CCDC102A: variants seen among roughly 807,000 people sequenced by gnomAD.
The protein encoded by CCDC102A is coiled-coil domain-containing protein 102A.
Under a neutral mutation model 55.5 loss-of-function variants are expected in CCDC102A, and 40 were observed. The observed-to-expected ratio is 0.72, with a 90% CI of 0.56 to 0.94. The LOEUF (loss-of-function observed/expected upper bound fraction) is 0.94, where lower values mean the gene tolerates loss of function less well. CCDC102A is among the 40% of genes least tolerant of loss of function. The pLI is 0.00. For synonymous variants in CCDC102A, 323 were observed against 339.0 expected (o/e 0.95, Z 0.52); for missense variants, 779 against 768.6 (o/e 1.01, Z -0.16).
chr16:57,515,251 C>G (rs558005475), intron 8 of CCDC102A, 90 bp downstream of exon 8: 27 of 813,020 alleles, frequency 3.3e-5, no homozygotes, highest in African/African-American at 2.5e-4. Flanking sequence ...TTCGTCTCCC[C>G]CTCCAGCCTT....
intron 6 of CCDC102A, among the ~76,000 whole-genome samples, chr16:57,517,063 A>C (rs2146699357): frequency 6.6e-6 from 1 of 151,998 alleles, no homozygotes; most frequent in East Asian, 1.9e-4. Context: ...TTGTCCAGGG[A>C]ATGTCAACAG....
rs769425606 is a variant in CCDC102A, at chr16:57,516,262, G to A, written c.1419+31C>T. 1.9e-6 allele frequency: 3 copies of A among 1,595,154 alleles called. No homozygotes were observed. The South Asian group carries it at 3.3e-5, about 18-fold the overall frequency. ...CCCCACTCCTCCCTGGCCAAGGTCTGTTGCTGCCCCTGCCCCTCTGTGGTC... is the reference window on the plus strand; with the variant it reads ...CCCCACTCCTCCCTGGCCAAGGTCTATTGCTGCCCCTGCCCCTCTGTGGTC... On this transcript the variant is annotated intron_variant, in intron 7 of 8. Transcript: ENST00000258214. This position sits in a 1 kb window ranked among gnomAD's most constrained non-coding sequence, Gnocchi z 4.4.
chr16:57,525,875 G>A, intron 3 of CCDC102A, 26 bp downstream of exon 3: 1 of 1,603,570 alleles, frequency 6.2e-7, no homozygotes, highest in Non-Finnish European at 8.5e-7. Context: ...CCCTGGCCCT[G>A]CCCCCTCCCG....
intron 1 of CCDC102A, among the ~76,000 whole-genome samples, chr16:57,534,105 C>G (rs1410567792): frequency 6.6e-6 from 1 of 152,180 alleles, no homozygotes; most frequent in Non-Finnish European, 1.5e-5. Context: ...AAACCCCCAC[C>G]CATCTTCAAG....
intron 1 of CCDC102A, among the ~76,000 whole-genome samples, chr16:57,530,030 G>A (rs936423074): frequency 2.3e-4 from 35 of 152,260 alleles, no homozygotes; most frequent in African/African-American, 8.2e-4. Flanking sequence ...CTCCATTTAT[G>A]GTATCTATGA....
At chr16:57,530,186 C>T (rs1287747260) in intron 1 of CCDC102A, among the ~76,000 whole-genome samples, 4 of 152,166 alleles carry the variant, frequency 2.6e-5, no homozygotes, top group Non-Finnish European at 1.5e-5. Context: ...CCACCCCTCC[C>T]TGACACCGTG....
chr16:57,533,795 G>A (rs1419101726), intron 1 of CCDC102A, among the ~76,000 whole-genome samples: 1 of 152,168 alleles, frequency 6.6e-6, no homozygotes, highest in Non-Finnish European at 1.5e-5. Flanking sequence ...CTCACTGAGG[G>A]GCAGCAGCAG....
intron 7 of CCDC102A, 36 bp from the exon 8 acceptor site, chr16:57,515,480 AC>A: frequency 6.9e-7 from 1 of 1,450,104 alleles, no homozygotes; most frequent in Non-Finnish European, 9.5e-7. Context: ...CACGAGGGTC[AC>A]CCAGGGCTGG....
chr16:57,523,022 C>G (rs1245246494), intron 3 of CCDC102A, among the ~76,000 whole-genome samples: 2 of 152,080 alleles, frequency 1.3e-5, no homozygotes, highest in African/African-American at 4.8e-5. Context: ...GAAGAATTAG[C>G]TGGGCGTGGT....
intron 1 of CCDC102A, among the ~76,000 whole-genome samples, chr16:57,533,554 G>T (rs1166871040): frequency 7.8e-6 from 1 of 127,878 alleles, no homozygotes; most frequent in Non-Finnish European, 1.7e-5. Flanking sequence ...ACACCCCCAG[G>T]GACCTGCACT....
At position 57,528,578 on chromosome 16, in the gene CCDC102A, G is replaced by A; in HGVS notation, c.585+15C>T. On this transcript the variant is annotated intron_variant, in intron 2 of 8. Transcript: ENST00000258214. ...TTCGAGACTGGAGCGCGAACGCCCC[G>A]CCCGCGCCGCGCACCTGGCTGCCTG... 8.1e-7 allele frequency: 1 copy of A among 1,231,554 alleles called. No homozygotes were observed. Among genetic ancestry groups the A allele is most frequent in the South Asian group, 2.3e-5 (1 of 43,184 alleles). The allele number at this position is 1,231,554 out of a possible 1,614,324, so 76.3% of individuals were successfully genotyped here.
At chr16:57,521,419 C>T (rs142365425) in intron 3 of CCDC102A, among the ~76,000 whole-genome samples, 627 of 152,274 alleles carry the variant, frequency 4.1e-3, no homozygotes, top group Middle Eastern at 0.01. Context: ...GGTCGGGGTT[C>T]CAGAGCACTG....
At position 57,512,505 on chromosome 16, in the gene CCDC102A, T is replaced by G; in HGVS notation, c.*236A>C. The G allele has an allele frequency of 2.3e-6, 1 of 442,836 alleles. No homozygotes were observed. Among genetic ancestry groups the G allele is most frequent in the Non-Finnish European group, 3.9e-6 (1 of 254,558 alleles). The allele number at this position is 442,836 out of a possible 1,614,324, so 27.4% of individuals were successfully genotyped here. ...ATAAAACCAAATGGGTCCAAAGACTTCTGGGTGTGCGCGCGCGCGCGCGCG... is the reference window on the plus strand; with the variant it reads ...ATAAAACCAAATGGGTCCAAAGACTGCTGGGTGTGCGCGCGCGCGCGCGCG... On this transcript the variant is annotated 3_prime_UTR_variant, in exon 9 of 9. Transcript: ENST00000258214.
chr16:57,514,802 C>T (rs2031924497), intron 8 of CCDC102A, among the ~76,000 whole-genome samples: 4 of 152,122 alleles, frequency 2.6e-5, no homozygotes, highest in Admixed American at 6.5e-5. Context: ...GTGGGAGGGA[C>T]GTGGACTGAA....
intron 4 of CCDC102A, among the ~76,000 whole-genome samples, chr16:57,520,171 A>G (rs1247460284): frequency 6.6e-6 from 1 of 152,154 alleles, no homozygotes; most frequent in East Asian, 1.9e-4. Flanking sequence ...CCTGGTCTAC[A>G]AGGCCCCCTC....
chr16:57,518,526 AC>A, intron 5 of CCDC102A, 98 bp downstream of exon 5: 1 of 1,011,048 alleles, frequency 9.9e-7, no homozygotes, highest in Non-Finnish European at 1.5e-6. Flanking sequence ...CGCTCAGAGC[AC>A]AGTCCTGGCC....
intron 1 of CCDC102A, among the ~76,000 whole-genome samples, chr16:57,531,569 CCA>C (rs1238862881): frequency 6.6e-6 from 1 of 152,124 alleles, no homozygotes; most frequent in Non-Finnish European, 1.5e-5. Context: ...AAGAACCTGA[CCA>C]CTCTGATGGC....
rs973400439 is a variant in CCDC102A, at chr16:57,526,139, A to C, written c.586-12T>G. On this transcript the variant is annotated splice_polypyrimidine_tract_variant and intron_variant, in intron 2 of 8. Transcript: ENST00000258214. ...ACCAGCTCCAGTTCCTGCGGGGACCAAGGTGGAGGCTGGACCAGTGGCCGC... is the reference window on the plus strand; with the variant it reads ...ACCAGCTCCAGTTCCTGCGGGGACCCAGGTGGAGGCTGGACCAGTGGCCGC... The C allele has an allele frequency of 2.0e-6, 3 of 1,523,644 alleles. No individual in the cohort carries two copies. The highest frequency in any genetic ancestry group is 2.6e-6 in the Non-Finnish European group (3 of 1,142,210). 94.4% of individuals were successfully genotyped at this position (1,523,644 alleles called of 1,614,324 possible). A position where few individuals can be genotyped will look rare whatever the true frequency, so the allele number is the denominator to read the frequency against.
intron 1 of CCDC102A, among the ~76,000 whole-genome samples, chr16:57,531,030 T>A (rs1205161628): frequency 1.3e-5 from 2 of 151,792 alleles, no homozygotes; most frequent in Non-Finnish European, 2.9e-5. Flanking sequence ...CCCCTGGGCT[T>A]ATCCCTCGAA....
Sources: allele counts gnomAD v4.1 joint callset (sites outside exome capture counted in the v4.1 genomes callset), GRCh38; gene constraint gnomAD v4.1.1; non-coding constraint Gnocchi (gnomAD v3.1); transcripts MANE v1.5; gene names NCBI Gene and HGNC (gene_info 2026-07-23, HGNC 2026-07-21).